The following GRM4 variants were observed in gnomAD, a reference collection of about 807,000 sequenced individuals.
The protein encoded by GRM4 is glutamate metabotropic receptor 4.
A neutral mutation model predicts 81.7 loss-of-function variants in GRM4; 28 were observed. The observed-to-expected ratio is 0.34, with a 90% confidence interval of 0.25 to 0.47. The LOEUF (loss-of-function observed/expected upper bound fraction) is 0.47. Ranked by LOEUF, GRM4 falls within the 20% of genes least tolerant of loss-of-function variation. The pLI is 1.00. For missense variants in GRM4, 948 were observed against 1,290.0 expected, an observed-to-expected ratio of 0.73 and a Z score of 4.06; for synonymous variants, 488 against 528.8, an observed-to-expected ratio of 0.92 and a Z score of 1.06.
At position 34,061,888 on chromosome 6, in the gene GRM4, C is replaced by T; in HGVS notation, c.872+5G>A. 6.2e-7 allele frequency: 1 copy of T among 1,610,240 alleles called. No individual in the cohort carries two copies. The highest frequency in any genetic ancestry group is 8.5e-7 in the Non-Finnish European group (1 of 1,177,084). ...GGTGCCCACCCTGCTGCCACCTGCCCTCACCTGATGTCATCCTCGTTGGCA... is the reference window on the plus strand; with the variant it reads ...GGTGCCCACCCTGCTGCCACCTGCCTTCACCTGATGTCATCCTCGTTGGCA... On this transcript the variant is annotated splice_donor_5th_base_variant and intron_variant, in intron 4 of 10. Transcript: ENST00000538487.
At chr6:34,143,750 G>A (rs923578972) in intron 1 of GRM4, among the ~76,000 whole-genome samples, 1 of 152,212 alleles carries the variant, frequency 6.6e-6, no homozygotes, top group Non-Finnish European at 1.5e-5. Flanking sequence ...CCATTGGCTG[G>A]CCCCGGGGCG....
rs1400597877 is a variant in GRM4 at position 34,036,099 on chromosome 6, G to A, written c.2011C>T (p.Leu671Phe). ...LGMSISYAAL[L>F]TKTNRIYRIF... ...CGGTAGATGCGGTTGGTCTTGGTGA[G>A]CAGGGCTGCATAGCTGATGCTCATC... The change falls in exon 9 of 11, where the codon CTC becomes TTC. Residue 671 changes from leucine (L) to phenylalanine (F), a missense_variant. By Grantham distance (22) the Leu-to-Phe change is conservative. Transcript: ENST00000538487. The surrounding 1 kb of genome is among the most constrained non-coding windows in gnomAD (Gnocchi z 9.0). 6.2e-7 allele frequency: 1 copy of A among 1,614,244 alleles called. No homozygotes were observed. Among genetic ancestry groups the A allele is most frequent in the South Asian group, 1.1e-5 (1 of 91,092 alleles).
At chr6:34,084,770 A>G (rs977910254) in intron 3 of GRM4, among the ~76,000 whole-genome samples, 2 of 152,062 alleles carry the variant, frequency 1.3e-5, no homozygotes, top group African/African-American at 2.4e-5. Context: ...TCACACCTCC[A>G]GGCTTTTGTT....
chr6:34,031,185 C>T (rs1418076049), intron 9 of GRM4, among the ~76,000 whole-genome samples: 2 of 152,196 alleles, frequency 1.3e-5, no homozygotes, highest in South Asian at 2.1e-4. Context: ...GAGCGAGAGG[C>T]GGCCTTCGGG....
rs1449066099 is a variant in GRM4 at position 34,042,076 on chromosome 6, AC to A, written c.1169-1329del. Among the ~76,000 whole-genome samples, 1 of 152,086 alleles carries A rather than the reference AC, an allele frequency of 6.6e-6. No individual in the cohort carries two copies. The highest frequency in any genetic ancestry group is 6.5e-5 in the Admixed American group (1 of 15,276). Reference sequence around the variant, plus strand: ...AGACCAGCCCAGCCAACACGCTGAAACCCCATCTCTACTCAAAATACCAAAA... The same window carrying A: ...AGACCAGCCCAGCCAACACGCTGAAACCCATCTCTACTCAAAATACCAAAA... On this transcript the variant is annotated intron_variant, in intron 6 of 10. Coordinates refer to ENST00000538487, the MANE Select transcript of GRM4 (RefSeq NM_000841.4). This position sits in a 1 kb window ranked among gnomAD's most constrained non-coding sequence, Gnocchi z 4.2.
rs1472914569 is a variant in GRM4, at chr6:34,089,902, C to T, written c.736+1981G>A. On this transcript the variant is annotated intron_variant, in intron 3 of 10. Transcript: ENST00000538487. This position sits in a 1 kb window ranked among gnomAD's most constrained non-coding sequence, Gnocchi z 4.3. ...ACCCTAGCACTTGCACAGGGGCTGG[C>T]CCATGTGGGTCTCAGTGAGCACGCA... Among the ~76,000 whole-genome samples the T allele has an allele frequency of 6.6e-6, 1 of 152,104 alleles. No homozygotes were observed. The highest frequency in any genetic ancestry group is 2.4e-5 in the African/African-American group (1 of 41,412).
intron 8 of GRM4, 90 bp downstream of exon 8, chr6:34,040,088 C>A: frequency 7.6e-7 from 1 of 1,307,300 alleles, no homozygotes; most frequent in Non-Finnish European, 1.1e-6. Context: ...GAGGTCAGGG[C>A]TAATCAGCAG....
intron 5 of GRM4, 116 bp from the exon 6 acceptor site, chr6:34,056,800 A>G: frequency 1.7e-6 from 2 of 1,147,792 alleles, no homozygotes; most frequent in South Asian, 1.6e-5. Flanking sequence ...GACCAGGAGG[A>G]GCACATCCTC....
At position 34,061,784 on chromosome 6, in the gene GRM4, C is replaced by T. The variant is rs1766191679; in HGVS notation, c.872+109G>A. 5.0e-6 allele frequency: 6 copies of T among 1,201,214 alleles called. No homozygotes were observed. The African/African-American group carries it at 6.0e-5, about 12-fold the overall frequency. The allele number at this position is 1,201,214 out of a possible 1,614,324, so 74.4% of individuals were successfully genotyped here. ...TCACCAGCACCCACCTCTCTGGATC[C>T]CAGGGTGGGGTCAGGCTCGCCTGGG... On this transcript the variant is annotated intron_variant, in intron 4 of 10. Transcript: ENST00000538487.
In GRM4 at chr6:34,040,653, C is replaced by T. The variant is rs142960818; in HGVS notation, c.1264G>A (p.Ala422Thr). The T allele has an allele frequency of 2.3e-4, 367 of 1,613,926 alleles. No individual in the cohort carries two copies. The highest frequency in any genetic ancestry group is 3.0e-4 in the Non-Finnish European group (357 of 1,179,890). ...CCGGGACACAGGTCACGGTGCATGG[C>T]GTGCAGCGCGTGGCCCATGGCGTAC... is the stretch of plus-strand genomic sequence containing the variant. ...AVYAMGHALH[A>T]MHRDLCPGRV... Residue 422 changes from alanine to threonine, a missense_variant, in exon 7 of 11, where the codon GCC (alanine) becomes ACC (threonine). Coordinates refer to ENST00000538487, the MANE Select transcript of GRM4 (RefSeq NM_000841.4).
intron 3 of GRM4, among the ~76,000 whole-genome samples, chr6:34,065,096 C>G (rs1766386471): frequency 6.6e-6 from 1 of 152,178 alleles, no homozygotes; most frequent in Non-Finnish European, 1.5e-5. Context: ...TCTGCAGCCC[C>G]TGTTGTTTAG....
intron 2 of GRM4, among the ~76,000 whole-genome samples, chr6:34,099,717 G>C (rs1406605857): frequency 6.6e-6 from 1 of 152,144 alleles, no homozygotes; most frequent in Non-Finnish European, 1.5e-5. Flanking sequence ...GAGCTGCCCT[G>C]TCCCCAGTGA....
intron 3 of GRM4, among the ~76,000 whole-genome samples, chr6:34,066,964 T>C (rs116682591): frequency 0.028 from 4,280 of 152,146 alleles, 114 homozygotes; most frequent in East Asian, 0.13. Context: ...GGGGCTTCCA[T>C]AGGGAAGCTG....
chr6:34,038,331 A>G (rs988414231), intron 8 of GRM4, among the ~76,000 whole-genome samples: 1 of 152,262 alleles, frequency 6.6e-6, no homozygotes, highest in Non-Finnish European at 1.5e-5. Context: ...ACCTCCATTT[A>G]GAAGTCATAA....
upstream of GRM4, among the ~76,000 whole-genome samples, chr6:34,150,490 G>C (rs1335563777): frequency 1.3e-5 from 2 of 152,156 alleles, no homozygotes; most frequent in Non-Finnish European, 2.9e-5. Flanking sequence ...CCAAGTGGCT[G>C]GGGGGTGGGC....
At chr6:34,067,692 G>GT (rs1305970837) in intron 3 of GRM4, among the ~76,000 whole-genome samples, 1 of 151,608 alleles carries the variant, frequency 6.6e-6, no homozygotes, top group Non-Finnish European at 1.5e-5. Flanking sequence ...ATGATATTGA[G>GT]TAAGACTCCT....
At position 34,103,667 on chromosome 6, in the gene GRM4, AG is replaced by A. The variant is rs1315662479; in HGVS notation, c.520-11569del. ...GGAGGAGCCCAGGCAGGCAGGGCAG[AG>A]GCCCAGCAAGGAGCCCCAAGGGGCA... is the stretch of plus-strand genomic sequence containing the variant. On this transcript the variant is annotated intron_variant, in intron 2 of 10. Coordinates refer to ENST00000538487, the MANE Select transcript of GRM4 (RefSeq NM_000841.4). The A allele has an allele frequency of 2.6e-6, 4 of 1,534,350 alleles. No homozygotes were observed. The South Asian group carries it at 3.6e-5, about 14-fold the overall frequency.
chr6:34,153,788 G>A (rs188972554), intron 1 of GRM4, among the ~76,000 whole-genome samples: 5 of 152,290 alleles, frequency 3.3e-5, no homozygotes, highest in Admixed American at 2.6e-4. Flanking sequence ...TTAGCCAGGC[G>A]TGGTGGCACA....
rs548051146 is a variant in GRM4, at chr6:34,067,651, C to T, written c.737-5623G>A. ...CTTCCTCCTTCCTTCCACTGCCCTG[C>T]TCAGTTCCTGGTATAGTCAGTCCCT... On this transcript the variant is annotated intron_variant, in intron 3 of 10. Coordinates refer to ENST00000538487, the MANE Select transcript of GRM4 (RefSeq NM_000841.4). 1.3e-4 allele frequency among the ~76,000 whole-genome samples: 19 copies of T among 151,402 alleles called. 1 individual carries two copies. The South Asian group carries it at 3.4e-3, about 27-fold the overall frequency.
Sources: gnomAD v4.1 joint callset for allele counts (sites outside exome capture counted in the v4.1 genomes callset) on GRCh38, gnomAD v4.1.1 for gene constraint, Gnocchi (gnomAD v3.1) non-coding constraint, MANE v1.5 for transcripts, NCBI Gene and HGNC (gene_info 2026-07-23, HGNC 2026-07-21) for gene names.